RANBP2: variants seen among roughly 807,000 people sequenced by gnomAD.
The protein encoded by RANBP2 is E3 SUMO-protein ligase RanBP2.
A neutral mutation model predicts 303.6 loss-of-function variants in RANBP2; 57 were observed. The observed-to-expected ratio is 0.19, with a 90% CI of 0.15 to 0.23. RANBP2 has a LOEUF of 0.23. Ranked by LOEUF, RANBP2 falls within the 10% of genes least tolerant of loss-of-function variation. The probability of loss-of-function intolerance (pLI) is 1.00; values close to 1 mark genes in which losing one functional copy is unlikely to be tolerated. For missense variants in RANBP2, 3,138 were observed against 3,780.8 expected, an observed-to-expected ratio of 0.83 and a Z score of 4.46; for synonymous variants, 1,167 against 1,301.5, an observed-to-expected ratio of 0.90 and a Z score of 2.23.
chr2:109,437,242 C>T, the RANBP2 span: 1 of 1,456,222 alleles, frequency 6.9e-7, no homozygotes, highest in Non-Finnish European at 9.1e-7. Flanking sequence ...TCCAGCAGTG[C>T]ATGTGTGGCT....
the RANBP2 span, among the ~76,000 whole-genome samples, chr2:109,765,446 C>T: frequency 1.3e-5 from 2 of 150,372 alleles, no homozygotes; most frequent in African/African-American, 2.4e-5. Context: ...CCCTGCTGTA[C>T]AGGATGCAAA....
the RANBP2 span, among the ~76,000 whole-genome samples, chr2:109,632,579 C>T: frequency 5.2e-4 from 79 of 152,128 alleles, no homozygotes; most frequent in African/African-American, 1.8e-3. Context: ...TTTGGGAGGC[C>T]AAGGCAGGCG....
intron 23 of RANBP2, 90 bp from the exon 24 acceptor site, chr2:108,775,642 A>G (rs1677827663): frequency 7.2e-7 from 1 of 1,394,334 alleles, no homozygotes; most frequent in South Asian, 1.2e-5. Flanking sequence ...CAGAAGCCCA[A>G]GTTCTCAATT....
intron 4 of RANBP2, 38 bp downstream of exon 4, chr2:108,731,512 A>ATAAC (rs771564180): frequency 1.2e-6 from 2 of 1,610,150 alleles, no homozygotes; most frequent in South Asian, 2.2e-5. Flanking sequence ...AACTTAAGAC[A>ATAAC]TAACCATTTC....
At chr2:109,414,869 A>G in the RANBP2 span, among the ~76,000 whole-genome samples, 2 of 152,192 alleles carry the variant, frequency 1.3e-5, no homozygotes, top group Non-Finnish European at 2.9e-5. Flanking sequence ...TGGAGAAGGG[A>G]CTGATGGCCC....
At chr2:109,529,807 C>T in the RANBP2 span, among the ~76,000 whole-genome samples, 6 of 152,138 alleles carry the variant, frequency 3.9e-5, no homozygotes, top group African/African-American at 1.4e-4. Flanking sequence ...AGCCCCTTCC[C>T]AGGGCCCTGC....
At chr2:109,155,401 C>T in the RANBP2 span, among the ~76,000 whole-genome samples, 1 of 152,110 alleles carries the variant, frequency 6.6e-6, no homozygotes, top group Non-Finnish European at 1.5e-5. Flanking sequence ...CCTGAGTTCA[C>T]CTGCCATTCT....
the RANBP2 span, among the ~76,000 whole-genome samples, chr2:109,748,849 G>A: frequency 7.4e-6 from 1 of 135,500 alleles, no homozygotes; most frequent in South Asian, 2.6e-4. Context: ...TTCTGGCCTG[G>A]GTGACAGAGA....
At chr2:109,484,939 T>C in the RANBP2 span, among the ~76,000 whole-genome samples, 1 of 152,226 alleles carries the variant, frequency 6.6e-6, no homozygotes, top group Non-Finnish European at 1.5e-5. Flanking sequence ...GTGTACCTGG[T>C]GGAGTTAAAG....
At chr2:109,613,021 C>T in the RANBP2 span, 1 of 512,462 alleles carries the variant, frequency 2.0e-6, no homozygotes, top group Non-Finnish European at 3.6e-6. Context: ...TGAAAACCAC[C>T]AATGTTTACT....
At chr2:109,339,106 G>A in the RANBP2 span, among the ~76,000 whole-genome samples, 3 of 152,142 alleles carry the variant, frequency 2.0e-5, no homozygotes, top group African/African-American at 7.2e-5. Context: ...ACGTTGTGTG[G>A]GCTGAACAGG....
At chr2:108,988,586 C>T in the RANBP2 span, among the ~76,000 whole-genome samples, 76 of 152,086 alleles carry the variant, frequency 5.0e-4, no homozygotes, top group Non-Finnish European at 9.3e-4. Context: ...GAGTCCCTGC[C>T]GCGCCTGCCT....
At chr2:109,380,183 G>A in the RANBP2 span, among the ~76,000 whole-genome samples, 1 of 152,190 alleles carries the variant, frequency 6.6e-6, no homozygotes, top group Non-Finnish European at 1.5e-5. Flanking sequence ...GCAAAAATAG[G>A]TAGGTGCCTA....
the RANBP2 span, among the ~76,000 whole-genome samples, chr2:109,220,627 T>C: frequency 3.9e-5 from 6 of 152,330 alleles, no homozygotes; most frequent in East Asian, 1.2e-3. Context: ...GTAAACATTT[T>C]CCCAAAGATA....
chr2:108,982,053 C>T, the RANBP2 span, among the ~76,000 whole-genome samples: 1 of 152,338 alleles, frequency 6.6e-6, no homozygotes, highest in South Asian at 2.1e-4. Flanking sequence ...AGATGTTTAA[C>T]GGCTCAGTAA....
the RANBP2 span, among the ~76,000 whole-genome samples, chr2:109,412,748 T>C: frequency 6.6e-6 from 1 of 152,252 alleles, no homozygotes; most frequent in Non-Finnish European, 1.5e-5. Flanking sequence ...TGTCACTTGA[T>C]ATTAAAGTGT....
At chr2:109,659,764 G>A in the RANBP2 span, among the ~76,000 whole-genome samples, 1 of 152,234 alleles carries the variant, frequency 6.6e-6, no homozygotes, top group Admixed American at 6.5e-5. Context: ...TGAGAGTGCT[G>A]TCTCTAGGCC....
chr2:109,433,784 C>A, the RANBP2 span, among the ~76,000 whole-genome samples: 1 of 152,202 alleles, frequency 6.6e-6, no homozygotes, highest in African/African-American at 2.4e-5. Context: ...GAAAGGTCTG[C>A]AGGCACAAGG....
At chr2:108,735,843 G>A (rs189547420) in intron 5 of RANBP2, 81 bp downstream of exon 5, 28 of 1,594,502 alleles carry the variant, frequency 1.8e-5, no homozygotes, top group Non-Finnish European at 2.3e-5. Flanking sequence ...GCAGTGCCCC[G>A]CAGGACTTAA....
Sources: allele counts gnomAD v4.1 joint callset (sites outside exome capture counted in the v4.1 genomes callset), GRCh38; gene constraint gnomAD v4.1.1; transcripts MANE v1.5; gene names NCBI Gene and HGNC (gene_info 2026-07-23, HGNC 2026-07-21).